The following PIBF1 variants were observed in gnomAD, a reference collection of about 807,000 sequenced individuals.
PIBF1 encodes the protein progesterone immunomodulatory binding factor 1.
Under a neutral mutation model 112.5 loss-of-function variants are expected in PIBF1, and 90 were observed. That is an observed-to-expected ratio of 0.80 (90% confidence interval 0.67 to 0.95). The LOEUF (loss-of-function observed/expected upper bound fraction) is 0.95, where lower values mean the gene tolerates loss of function less well. Ranked by LOEUF, PIBF1 falls within the 40% of genes least tolerant of loss-of-function variation. PIBF1 has a pLI of 0.00. For missense variants in PIBF1, 915 were observed against 852.3 expected (o/e 1.07, Z -0.92); for synonymous variants, 301 against 288.6 (o/e 1.04, Z -0.44).
intron 11 of PIBF1, among the ~76,000 whole-genome samples, chr13:72,906,784 C>G (rs2040719187): frequency 1.3e-5 from 2 of 152,052 alleles, no homozygotes; most frequent in African/African-American, 4.8e-5. Context: ...ATCATTTCTC[C>G]TGTTTTTCTT....
chr13:73,005,836 GGC>G (rs537413955), intron 17 of PIBF1, among the ~76,000 whole-genome samples: 3 of 151,942 alleles, frequency 2.0e-5, no homozygotes, highest in Non-Finnish European at 4.4e-5. Flanking sequence ...AGCCACCCCA[GGC>G]ACTGGGGACT....
intron 16 of PIBF1, among the ~76,000 whole-genome samples, chr13:72,983,143 C>T (rs1279377797): frequency 1.3e-5 from 2 of 152,068 alleles, no homozygotes; most frequent in African/African-American, 4.8e-5. Context: ...GCCTGGGCAA[C>T]ACAGCAAGAC....
At chr13:72,998,465 C>A (rs2043752594) in intron 16 of PIBF1, among the ~76,000 whole-genome samples, 1 of 151,152 alleles carries the variant, frequency 6.6e-6, no homozygotes, top group Non-Finnish European at 1.5e-5. Context: ...ACAGTGAGAT[C>A]CTATCTAAAA....
At chr13:73,007,968 AT>A (rs1196201482) in intron 17 of PIBF1, among the ~76,000 whole-genome samples, 1 of 152,224 alleles carries the variant, frequency 6.6e-6, no homozygotes, top group Non-Finnish European at 1.5e-5. Flanking sequence ...TGGCTAGCAC[AT>A]TACTGACTAA....
intron 16 of PIBF1, among the ~76,000 whole-genome samples, chr13:72,991,277 AGTC>A (rs58979637): frequency 0.13 from 19,894 of 151,432 alleles, 3,449 homozygotes; most frequent in African/African-American, 0.4. Flanking sequence ...TTGTTTATGC[AGTC>A]GTCATCATCA....
intron 10 of PIBF1, among the ~76,000 whole-genome samples, chr13:72,866,933 G>T (rs554671911): frequency 6.6e-6 from 1 of 152,104 alleles, no homozygotes; most frequent in Non-Finnish European, 1.5e-5. Context: ...ATTATTGCTA[G>T]ATGTGAAGAT....
intron 14 of PIBF1, among the ~76,000 whole-genome samples, chr13:72,961,502 A>G (rs566814596): frequency 8.5e-5 from 13 of 152,320 alleles, no homozygotes; most frequent in African/African-American, 2.4e-4. Context: ...AAAACAGTAA[A>G]TCTTTAATGG....
At chr13:72,919,959 G>A (rs2041233412) in intron 13 of PIBF1, among the ~76,000 whole-genome samples, 1 of 152,134 alleles carries the variant, frequency 6.6e-6, no homozygotes, top group South Asian at 2.1e-4. Flanking sequence ...GGGTGACAGA[G>A]TAAGACTCTG....
chr13:72,808,850 A>T (rs1277476669), intron 5 of PIBF1, among the ~76,000 whole-genome samples: 1 of 152,210 alleles, frequency 6.6e-6, no homozygotes, highest in African/African-American at 2.4e-5. Context: ...AAAACAAAAA[A>T]TACCAGGAAA....
chr13:72,832,298 C>T (rs1236563806), intron 8 of PIBF1, among the ~76,000 whole-genome samples: 1 of 151,892 alleles, frequency 6.6e-6, no homozygotes, highest in Non-Finnish European at 1.5e-5. Flanking sequence ...TGAATTTGAT[C>T]CGGTCATTAT....
chr13:72,853,056 AT>A (rs1244868548), intron 9 of PIBF1, among the ~76,000 whole-genome samples: 3 of 143,236 alleles, frequency 2.1e-5, no homozygotes, highest in African/African-American at 7.7e-5. Context: ...AGAGAAGGAG[AT>A]TTAAAAAAAA....
chr13:72,827,204 T>A lies in PIBF1; in HGVS notation c.915+86T>A. On this transcript the variant is annotated intron_variant, in intron 7 of 17. Transcript: ENST00000326291. ...CAGAGTAGATTTGAAGGAGAGACATTTTTTTTGTTATGTAGTTCCTCCCAA... is the reference window on the plus strand; with the variant it reads ...CAGAGTAGATTTGAAGGAGAGACATATTTTTTGTTATGTAGTTCCTCCCAA... 3 of 550,076 alleles carry A rather than the reference T, an allele frequency of 5.5e-6. No individual in the cohort carries two copies. In the South Asian group the frequency reaches 1.3e-4, roughly 24 times the overall value. The allele number at this position is 550,076 out of a possible 1,614,324, so 34.1% of individuals were successfully genotyped here.
intron 14 of PIBF1, among the ~76,000 whole-genome samples, chr13:72,934,299 T>C (rs2041798830): frequency 6.6e-6 from 1 of 152,134 alleles, no homozygotes. Flanking sequence ...TATTTTATTT[T>C]ATTATTTATT....
intron 17 of PIBF1, among the ~76,000 whole-genome samples, chr13:73,000,067 A>G (rs756554079): frequency 6.6e-6 from 1 of 152,168 alleles, no homozygotes; most frequent in Non-Finnish European, 1.5e-5. Flanking sequence ...AAAATAAGGG[A>G]CAATTATTTT....
intron 17 of PIBF1, among the ~76,000 whole-genome samples, chr13:73,008,809 G>C (rs1018187019): frequency 3.3e-5 from 5 of 152,232 alleles, no homozygotes; most frequent in South Asian, 2.1e-4. Flanking sequence ...ATCAAAGAAG[G>C]CATGACATCG....
chr13:72,920,339 T>C (rs2041244746), intron 13 of PIBF1, among the ~76,000 whole-genome samples: 1 of 152,210 alleles, frequency 6.6e-6, no homozygotes. Context: ...TCAGGTCATC[T>C]AAGCTGAATG....
chr13:72,797,787 C>T, intron 4 of PIBF1, 120 bp from the exon 5 acceptor site: 1 of 706,218 alleles, frequency 1.4e-6, no homozygotes, highest in Non-Finnish European at 2.3e-6. Flanking sequence ...CCATTAATGA[C>T]TGTCTTGTTG....
At chr13:72,999,068 C>G (rs1428606164) in intron 17 of PIBF1, 73 bp downstream of exon 17, 2 of 1,026,174 alleles carry the variant, frequency 1.9e-6, no homozygotes, top group Non-Finnish European at 2.9e-6. Flanking sequence ...TTAATTTTTT[C>G]CTTTTACATT....
chr13:72,954,317 C>G (rs1027779147), intron 14 of PIBF1, among the ~76,000 whole-genome samples: 15 of 152,360 alleles, frequency 9.8e-5, no homozygotes, highest in African/African-American at 3.6e-4. Flanking sequence ...GGCCATGCCC[C>G]TCCCTATCCA....
Sources: gnomAD v4.1 joint callset for allele counts (sites outside exome capture counted in the v4.1 genomes callset) on GRCh38, gnomAD v4.1.1 for gene constraint, MANE v1.5 for transcripts, NCBI Gene and HGNC (gene_info 2026-07-23, HGNC 2026-07-21) for gene names.